The following RANBP2 variants were observed in gnomAD, a reference collection of about 807,000 sequenced individuals.
RANBP2 encodes the protein RAN binding protein 2, also known as E3 SUMO-protein ligase RanBP2.
Under a neutral mutation model 303.6 loss-of-function variants are expected in RANBP2, and 57 were observed. The ratio of observed to expected loss-of-function variants is 0.19; its 90% CI spans 0.15 to 0.23. The LOEUF (loss-of-function observed/expected upper bound fraction) is 0.23, where lower values mean the gene tolerates loss of function less well. Among genes scored for constraint, RANBP2 ranks in the 10% least tolerant of loss-of-function variants. The pLI is 1.00. For missense variants in RANBP2, 3,138 were observed against 3,780.8 expected (o/e 0.83, Z 4.46); for synonymous variants, 1,167 against 1,301.5 (o/e 0.90, Z 2.23).
chr2:108,812,672 G>A, the RANBP2 span: 2 of 1,613,018 alleles, frequency 1.2e-6, no homozygotes, highest in Non-Finnish European at 1.7e-6. Flanking sequence ...TAGACATTCA[G>A]GCTAAAAGAG....
chr2:108,838,443 C>G, the RANBP2 span, among the ~76,000 whole-genome samples: 1 of 152,062 alleles, frequency 6.6e-6, no homozygotes, highest in Non-Finnish European at 1.5e-5. Context: ...CCAGGTTTTA[C>G]TCTTATAAAC....
chr2:109,380,819 T>C, the RANBP2 span, among the ~76,000 whole-genome samples: 159 of 152,314 alleles, frequency 1.0e-3, 1 homozygote, highest in Non-Finnish European at 1.7e-3. Flanking sequence ...CATCAAACTT[T>C]TTAGATTCCT....
chr2:109,319,394 C>T, the RANBP2 span, among the ~76,000 whole-genome samples: 2 of 152,192 alleles, frequency 1.3e-5, no homozygotes, highest in African/African-American at 4.8e-5. Flanking sequence ...TCAGTGGGGT[C>T]CCGGGGATCA....
chr2:109,262,549 C>G, the RANBP2 span, among the ~76,000 whole-genome samples: 1 of 152,144 alleles, frequency 6.6e-6, no homozygotes, highest in Non-Finnish European at 1.5e-5. Flanking sequence ...CAAAGGTTTT[C>G]TTGTTTTATT....
chr2:109,285,179 C>A, the RANBP2 span, among the ~76,000 whole-genome samples: 2 of 152,216 alleles, frequency 1.3e-5, no homozygotes, highest in African/African-American at 2.4e-5. Flanking sequence ...AAAGAAGGAA[C>A]AAATTGAGCC....
chr2:109,629,339 ATATATATATATATATATTTT>A, the RANBP2 span, among the ~76,000 whole-genome samples: 144 of 9,726 alleles, frequency 0.015, 3 homozygotes, highest in African/African-American at 0.024. Flanking sequence ...ATATATATAT[ATATATATATATATATATTTT>A]TTTTTTTTTT....
the RANBP2 span, chr2:109,437,138 T>G: frequency 6.2e-7 from 1 of 1,610,044 alleles, no homozygotes; most frequent in Non-Finnish European, 8.5e-7. Context: ...CGGAGCACCA[T>G]TTCAACAGGT....
chr2:109,596,907 A>C, the RANBP2 span, among the ~76,000 whole-genome samples: 1 of 152,214 alleles, frequency 6.6e-6, no homozygotes, highest in Middle Eastern at 3.2e-3. Flanking sequence ...AAACAAGTTT[A>C]ATACTGGAAA....
the RANBP2 span, among the ~76,000 whole-genome samples, chr2:108,982,516 T>C: frequency 2.6e-5 from 4 of 152,256 alleles, no homozygotes; most frequent in African/African-American, 9.6e-5. Flanking sequence ...TTGTACTTCA[T>C]TTTGCAATCT....
chr2:108,917,153 A>G, the RANBP2 span, among the ~76,000 whole-genome samples: 140,788 of 152,290 alleles, frequency 0.92, 65,131 homozygotes, highest in East Asian at 1. Context: ...AGGCGAGGGA[A>G]GGTGCTTGTG....
At chr2:109,584,178 T>C in the RANBP2 span, among the ~76,000 whole-genome samples, 149 of 152,204 alleles carry the variant, frequency 9.8e-4, 1 homozygote, top group Non-Finnish European at 1.5e-3. Context: ...AAAAATTACT[T>C]ACAAAAATGG....
At chr2:109,557,970 C>A in the RANBP2 span, among the ~76,000 whole-genome samples, 1 of 150,842 alleles carries the variant, frequency 6.6e-6, no homozygotes, top group Non-Finnish European at 1.5e-5. Context: ...TTTCTGTATT[C>A]TTTGTAGAGA....
chr2:109,705,684 T>C, the RANBP2 span, among the ~76,000 whole-genome samples: 1 of 152,082 alleles, frequency 6.6e-6, no homozygotes, highest in Non-Finnish European at 1.5e-5. Context: ...GGCAGAACCA[T>C]CCCTGGGCCT....
At chr2:109,286,456 G>C in the RANBP2 span, among the ~76,000 whole-genome samples, 1 of 152,162 alleles carries the variant, frequency 6.6e-6, no homozygotes, top group South Asian at 2.1e-4. Flanking sequence ...CTCAGCACAT[G>C]CTCTCTCAGC....
At chr2:109,230,160 G>A in the RANBP2 span, among the ~76,000 whole-genome samples, 12 of 151,944 alleles carry the variant, frequency 7.9e-5, no homozygotes, top group South Asian at 1.5e-3. Context: ...CTAATATTCC[G>A]TCGTATGGAT....
the RANBP2 span, among the ~76,000 whole-genome samples, chr2:109,717,278 A>C: frequency 1.9e-4 from 28 of 150,726 alleles, no homozygotes; most frequent in South Asian, 2.1e-4. Context: ...AAACCAAAAA[A>C]AAAAAAAAAA....
the RANBP2 span, among the ~76,000 whole-genome samples, chr2:108,963,050 C>T: frequency 8.5e-5 from 13 of 152,294 alleles, no homozygotes; most frequent in East Asian, 1.9e-4. Context: ...GGTGGCTCTG[C>T]GTCACTGAAG....
chr2:109,230,859 C>T, the RANBP2 span, among the ~76,000 whole-genome samples: 1 of 152,210 alleles, frequency 6.6e-6, no homozygotes, highest in Non-Finnish European at 1.5e-5. Context: ...CCTAGGAGTT[C>T]ACTGGCCAAT....
the RANBP2 span, among the ~76,000 whole-genome samples, chr2:109,638,781 C>T: frequency 6.6e-6 from 1 of 152,034 alleles, no homozygotes; most frequent in East Asian, 1.9e-4. Flanking sequence ...ATCTCAGCTG[C>T]AAAGACTGAA....
Sources: gnomAD v4.1 joint callset for allele counts (sites outside exome capture counted in the v4.1 genomes callset) on GRCh38, gnomAD v4.1.1 for gene constraint, MANE v1.5 for transcripts, NCBI Gene and HGNC (gene_info 2026-07-23, HGNC 2026-07-21) for gene names.